Variants in C1orf167 observed in about 807,000 individuals in gnomAD.
C1orf167 encodes chromosome 1 open reading frame 167.
In C1orf167, 153 loss-of-function variants were observed where a neutral mutation model predicts 176.5. The observed-to-expected ratio is 0.87, with a 90% confidence interval of 0.76 to 0.99. The LOEUF is 0.99. C1orf167 is among the 50% of genes least tolerant of loss of function. The pLI is 0.00. For missense variants in C1orf167, 1,490 were observed against 1,817.7 expected, an observed-to-expected ratio of 0.82 and a Z score of 3.28; for synonymous variants, 594 against 752.7, an observed-to-expected ratio of 0.79 and a Z score of 3.45.
intron 15 of C1orf167, 122 bp downstream of exon 15, chr1:11,784,715 G>A: frequency 9.0e-7 from 1 of 1,105,102 alleles, no homozygotes; most frequent in Non-Finnish European, 1.1e-6. Context: ...CAAGAGGGTG[G>A]TTGGGGGTGA....
At chr1:11,784,696 GC>G (rs1300155538) in intron 15 of C1orf167, 103 bp downstream of exon 15, 1 of 1,152,230 alleles carries the variant, frequency 8.7e-7, no homozygotes, top group African/African-American at 1.6e-5. Context: ...GGGTGGCAGG[GC>G]AAAGGCTCAA....
At chr1:11,767,294 T>C (rs1013448850) in intron 4 of C1orf167, 30 bp downstream of exon 4, 86 of 1,219,126 alleles carry the variant, frequency 7.1e-5, no homozygotes, top group Non-Finnish European at 9.3e-5. Flanking sequence ...GGGACAGGGG[T>C]TGGAGTTGGG....
Position 11,778,804 on chromosome 1 carries a change from C to T in C1orf167, c.2484C>T (p.Asp828=), listed in dbSNP as rs914414819. Residue 828 remains aspartate, a synonymous_variant, in exon 11 of 21, where the codon GAC becomes GAT. Coordinates refer to ENST00000688073, the MANE Select transcript of C1orf167 (RefSeq NM_001010881.2). ...CACTGAGCAGCAGCACACTCCAAGA[C>T]TCTCTGGAGAAGGTGAGAGGTAGGA... ...LEPLSSSTLQ[D]SLEKVPRAPT... is the part of the protein sequence containing the mutation. The T allele has an allele frequency of 2.4e-5, 31 of 1,302,800 alleles. No homozygotes were observed. Among genetic ancestry groups the T allele is most frequent in the African/African-American group, 4.6e-5 (3 of 65,744 alleles). 80.7% of individuals were successfully genotyped at this position (1,302,800 alleles called of 1,614,324 possible). A position where few individuals can be genotyped will look rare whatever the true frequency, so the allele number is the denominator to read the frequency against.
intron 19 of C1orf167, 81 bp from the exon 20 acceptor site, chr1:11,788,571 G>A: frequency 8.3e-7 from 1 of 1,204,004 alleles, no homozygotes. Flanking sequence ...GTGCAGCAGT[G>A]TCGGGGGAGA....
intron 14 of C1orf167, 62 bp downstream of exon 14, chr1:11,782,395 C>T (rs1643641668): frequency 8.7e-7 from 1 of 1,150,164 alleles, no homozygotes; most frequent in Non-Finnish European, 1.1e-6. Flanking sequence ...GCAAGGAGAG[C>T]ACCCAGGGGG....
intron 8 of C1orf167, among the ~76,000 whole-genome samples, chr1:11,773,250 C>T (rs1330552093): frequency 1.3e-5 from 2 of 152,070 alleles, no homozygotes; most frequent in Non-Finnish European, 1.5e-5. Context: ...CCCCAGCGCA[C>T]CAATTACCCA....
intron 10 of C1orf167, 162 bp from the exon 11 acceptor site, chr1:11,778,498 T>TG (rs970529316): frequency 4.9e-5 from 25 of 505,068 alleles, no homozygotes; most frequent in African/African-American, 4.1e-4. Context: ...GCAGCCGCTG[T>TG]GGGGGGCAGC....
At position 11,772,137 on chromosome 1, in the gene C1orf167, G is replaced by A. The variant is rs1643109891; in HGVS notation, c.1866G>A (p.Leu622=). 2.3e-6 allele frequency: 3 copies of A among 1,304,308 alleles called. No individual in the cohort carries two copies. Among genetic ancestry groups the A allele is most frequent in the Non-Finnish European group, 3.0e-6 (3 of 988,944 alleles). The allele number at this position is 1,304,308 out of a possible 1,614,324, so 80.8% of individuals were successfully genotyped here. Reference sequence around the variant, plus strand: ...GGGCCAGACAGGAGAGGGAGACTCTGCGGAAGGCCACCAGGGCCACACAGA... The same window carrying A: ...GGGCCAGACAGGAGAGGGAGACTCTACGGAAGGCCACCAGGGCCACACAGA... ...KKRARQERET[L]RKATRATQRT... Residue 622 remains leucine (L), a synonymous_variant, in exon 8 of 21, where the codon CTG becomes CTA. Transcript: ENST00000688073.
intron 8 of C1orf167, among the ~76,000 whole-genome samples, chr1:11,772,617 T>C (rs1342039640): frequency 6.6e-6 from 1 of 152,090 alleles, no homozygotes; most frequent in Non-Finnish European, 1.5e-5. Flanking sequence ...GAGGCAAGGA[T>C]GCAAATAGGA....
At chr1:11,764,122 C>A (rs1174174427) in intron 1 of C1orf167, among the ~76,000 whole-genome samples, 1 of 152,002 alleles carries the variant, frequency 6.6e-6, no homozygotes, top group Non-Finnish European at 1.5e-5. Context: ...CAGGATGGGG[C>A]AGCATTTGAC....
intron 6 of C1orf167, 93 bp from the exon 7 acceptor site, chr1:11,771,431 A>G: frequency 1.5e-6 from 1 of 678,396 alleles, no homozygotes; most frequent in Non-Finnish European, 2.3e-6. Context: ...TCCCAAGGGC[A>G]GACCGCACCT....
chr1:11,787,599 T>C, intron 17 of C1orf167, 106 bp downstream of exon 17: 4 of 862,622 alleles, frequency 4.6e-6, no homozygotes, highest in South Asian at 3.4e-5. Context: ...CACGGTCTTA[T>C]GTGTATTGAC....
Position 11,771,569 on chromosome 1 carries a change from A to T in C1orf167, c.1743A>T (p.Ser581=), listed in dbSNP as rs755996964. The change falls in exon 7 of 21, where the codon TCA becomes TCT. Residue 581 remains serine, a synonymous_variant. Transcript: ENST00000688073. ...AGGAGATTGCTCAGCGGCTTCTGTC[A>T]CATCCTAGGCAGAGAACAGACAGCA... ...REEEIAQRLL[S]HPRQRTDSRH... is the part of the protein sequence containing the mutation. 1 of 1,289,818 alleles carries T rather than the reference A, an allele frequency of 7.8e-7. No homozygotes were observed. The highest frequency in any genetic ancestry group is 1.2e-5 in the South Asian group (1 of 81,030). The allele number at this position is 1,289,818 out of a possible 1,614,324, so 79.9% of individuals were successfully genotyped here.
Position 11,776,651 on chromosome 1 carries a change from G to C in C1orf167, c.2339+13G>C, listed in dbSNP as rs919926296. On this transcript the variant is annotated intron_variant, in intron 10 of 20. Coordinates refer to ENST00000688073, the MANE Select transcript of C1orf167 (RefSeq NM_001010881.2). ...GCCAGTGGGCCAAGTAGGTGTCCTC[G>C]AGCTTGTGACCTGGGGTTGGGCCTG... 3 of 1,195,570 alleles carry C rather than the reference G, an allele frequency of 2.5e-6. No homozygotes were observed. The highest frequency in any genetic ancestry group is 3.1e-5 in the South Asian group (2 of 64,908). 74.1% of individuals were successfully genotyped at this position (1,195,570 alleles called of 1,614,324 possible).
chr1:11,768,108 T>G lies in C1orf167; in HGVS notation c.1375T>G (p.Trp459Gly), dbSNP rs1266420788. The change falls in exon 5 of 21, where the codon TGG (tryptophan) becomes GGG (glycine). Residue 459 changes from tryptophan to glycine, a missense_variant. Coordinates refer to ENST00000688073, the MANE Select transcript of C1orf167 (RefSeq NM_001010881.2). This position sits in a 1 kb window ranked among gnomAD's most constrained non-coding sequence, Gnocchi z 4.5. ...WQLLSRCFRS[W>G]RHLVKRQREP... Reference sequence around the variant, plus strand: ...GCTGTTGTCCAGATGTTTTCGATCCTGGAGGCACTTGGTGAAGAGGCAGCG... The same window carrying G: ...GCTGTTGTCCAGATGTTTTCGATCCGGGAGGCACTTGGTGAAGAGGCAGCG... 3 of 1,289,400 alleles carry G rather than the reference T, an allele frequency of 2.3e-6. No homozygotes were observed. In the Admixed American group the frequency reaches 6.9e-5, roughly 30 times the overall value. The allele number at this position is 1,289,400 out of a possible 1,614,324, so 79.9% of individuals were successfully genotyped here. A position where few individuals can be genotyped will look rare whatever the true frequency, so the allele number is the denominator to read the frequency against.
At position 11,776,463 on chromosome 1, in the gene C1orf167, G is replaced by A; in HGVS notation, c.2165-1G>A. 7.7e-7 allele frequency: 1 copy of A among 1,301,394 alleles called. No homozygotes were observed. The highest frequency in any genetic ancestry group is 1.0e-6 in the Non-Finnish European group (1 of 987,738). The allele number at this position is 1,301,394 out of a possible 1,614,324, so 80.6% of individuals were successfully genotyped here. Reference sequence around the variant, plus strand: ...TGACTGGACTCTTGACGGTTTCTCAGGACGTGAGGCTGTCTACACCGCAGG... The same window carrying A: ...TGACTGGACTCTTGACGGTTTCTCAAGACGTGAGGCTGTCTACACCGCAGG... On this transcript the variant is annotated splice_acceptor_variant, in intron 9 of 20. Transcript: ENST00000688073. LOFTEE classifies it high-confidence loss of function.
chr1:11,785,278 G>A lies in C1orf167; in HGVS notation c.3556G>A (p.Gly1186Arg). ...VQLRVRLGLPGAGKTRSCWTQ... is the reference protein window; with the variant it reads ...VQLRVRLGLPRAGKTRSCWTQ... ...GCTCAGGGTGCGGCTGGGACTGCCAGGGGCCGGCAAGGTACGCCCCAAGCC... is the reference window on the plus strand; with the variant it reads ...GCTCAGGGTGCGGCTGGGACTGCCAAGGGCCGGCAAGGTACGCCCCAAGCC... The change falls in exon 16 of 21, where the codon GGG becomes AGG. Residue 1186 changes from glycine to arginine, a missense_variant. Transcript: ENST00000688073. 9 of 1,286,868 alleles carry A rather than the reference G, an allele frequency of 7.0e-6. No homozygotes were observed. Among genetic ancestry groups the A allele is most frequent in the Non-Finnish European group, 8.1e-6 (8 of 985,700 alleles). 79.7% of individuals were successfully genotyped at this position (1,286,868 alleles called of 1,614,324 possible). A position where few individuals can be genotyped will look rare whatever the true frequency, so the allele number is the denominator to read the frequency against.
rs1642841784 is a variant in C1orf167 at position 11,767,168 on chromosome 1, G to C, written c.1300-53G>C. 3 of 1,287,964 alleles carry C rather than the reference G, an allele frequency of 2.3e-6. 1 individual carries two copies. The highest frequency in any genetic ancestry group is 2.5e-5 in the South Asian group (2 of 80,888). 79.8% of individuals were successfully genotyped at this position (1,287,964 alleles called of 1,614,324 possible). On this transcript the variant is annotated intron_variant, in intron 3 of 20. Transcript: ENST00000688073. ...AGGGAGGCTTGGCAGGGGGTGCCCT[G>C]TCCTGCCTGCTGCTTGGCCTGAGAA...
chr1:11,766,062 A>G lies in C1orf167; in HGVS notation c.276A>G (p.Gln92=). Residue 92 remains glutamine, a synonymous_variant, in exon 3 of 21, where the codon CAA becomes CAG. Coordinates refer to ENST00000688073, the MANE Select transcript of C1orf167 (RefSeq NM_001010881.2). The surrounding 1 kb of genome is among the most constrained non-coding windows in gnomAD (Gnocchi z 4.5). ...LGLALKDTTG[Q]LVNSSFWQQS... ...TAGCTCTGAAGGACACGACTGGCCA[A>G]CTGGTCAATTCAAGCTTCTGGCAAC... 7.8e-7 allele frequency: 1 copy of G among 1,289,866 alleles called. No individual in the cohort carries two copies. Among genetic ancestry groups the G allele is most frequent in the South Asian group, 1.2e-5 (1 of 81,034 alleles). The allele number at this position is 1,289,866 out of a possible 1,614,324, so 79.9% of individuals were successfully genotyped here. A position where few individuals can be genotyped will look rare whatever the true frequency, so the allele number is the denominator to read the frequency against.
Sources: allele counts gnomAD v4.1 joint callset (sites outside exome capture counted in the v4.1 genomes callset), GRCh38; gene constraint gnomAD v4.1.1; non-coding constraint Gnocchi (gnomAD v3.1); transcripts MANE v1.5; gene names NCBI Gene and HGNC (gene_info 2026-07-23, HGNC 2026-07-21).